Variants in CCDC102B observed in about 807,000 individuals in gnomAD.
The protein encoded by CCDC102B is coiled-coil domain containing 102B.
CCDC102B carries 75 observed loss-of-function variants against 57.4 expected under a neutral mutation model. The observed-to-expected ratio is 1.31, with a 90% CI of 1.08 to 1.58. The LOEUF (loss-of-function observed/expected upper bound fraction) is 1.58. Ranked by LOEUF, CCDC102B falls within the 40% of genes most tolerant of loss-of-function variation. The probability of loss-of-function intolerance (pLI) is 0.00; values close to 1 mark genes in which losing one functional copy is unlikely to be tolerated. For missense variants in CCDC102B, 636 were observed against 582.6 expected (o/e 1.09, Z -0.94); for synonymous variants, 206 against 201.9 (o/e 1.02, Z -0.17).
chr18:68,835,356 T>C (rs916923247), intron 1 of CCDC102B, among the ~76,000 whole-genome samples: 3 of 148,356 alleles, frequency 2.0e-5, no homozygotes, highest in Admixed American at 1.4e-4. Context: ...TGACCATACC[T>C]AAGAATCTAA....
chr18:68,862,039 T>C (rs1443569233), intron 4 of CCDC102B, among the ~76,000 whole-genome samples: 3 of 152,216 alleles, frequency 2.0e-5, no homozygotes, highest in Non-Finnish European at 2.9e-5. Flanking sequence ...TCTAAATGTG[T>C]ATGTTATAGA....
chr18:68,986,552 G>T (rs759478559), intron 6 of CCDC102B, among the ~76,000 whole-genome samples: 1 of 152,078 alleles, frequency 6.6e-6, no homozygotes, highest in Non-Finnish European at 1.5e-5. Context: ...ATGGGCAAAT[G>T]CTGGAACCAT....
chr18:68,908,748 G>A lies in CCDC102B; in HGVS notation c.1263+11320G>A, dbSNP rs1265203791. On this transcript the variant is annotated intron_variant, in intron 6 of 7. Transcript: ENST00000360242. The stretch of plus-strand genomic sequence containing the variant: ...GTCTTCAAACTTAAATAATATTAAT[G>A]GATTTATTAAGAATACTGTAGTAAG... The A allele has an allele frequency of 2.6e-5, 4 of 151,934 alleles. No individual in the cohort carries two copies. The East Asian group carries it at 7.7e-4, about 29-fold the overall frequency. 9.4% of individuals were successfully genotyped at this position (151,934 alleles called of 1,614,324 possible).
intron 6 of CCDC102B, among the ~76,000 whole-genome samples, chr18:68,954,056 AG>A (rs1330923014): frequency 6.6e-6 from 1 of 152,104 alleles, no homozygotes; most frequent in African/African-American, 2.4e-5. Context: ...ACTAGATAAT[AG>A]TTTTTTTTTT....
chr18:68,945,017 G>A (rs180936712), intron 6 of CCDC102B, among the ~76,000 whole-genome samples: 1 of 151,818 alleles, frequency 6.6e-6, no homozygotes, highest in African/African-American at 2.4e-5. Context: ...TTTGCAAATA[G>A]TGTGACATGC....
At chr18:68,782,561 CAG>C (rs1374341275) in intron 2 of CCDC102B, among the ~76,000 whole-genome samples, 1 of 152,078 alleles carries the variant, frequency 6.6e-6, no homozygotes, top group African/African-American at 2.4e-5. Context: ...GCTTTGACAT[CAG>C]AGTTATGATA....
At chr18:68,833,602 G>A (rs1003507166) in intron 1 of CCDC102B, among the ~76,000 whole-genome samples, 1 of 151,980 alleles carries the variant, frequency 6.6e-6, no homozygotes, top group African/African-American at 2.4e-5. Context: ...TGCTATTCTT[G>A]TCTCCTTTTA....
intron 2 of CCDC102B, among the ~76,000 whole-genome samples, chr18:68,755,757 A>T (rs1053284004): frequency 1.3e-5 from 2 of 151,708 alleles, no homozygotes; most frequent in African/African-American, 4.8e-5. Context: ...CAAATTAAAA[A>T]TTTGAACTCA....
At chr18:68,994,435 T>A (rs1467424584) in intron 6 of CCDC102B, among the ~76,000 whole-genome samples, 1 of 152,076 alleles carries the variant, frequency 6.6e-6, no homozygotes, top group Admixed American at 6.6e-5. Flanking sequence ...ATTGAAATTG[T>A]TAGGCTTTGG....
chr18:68,861,071 T>A, intron 4 of CCDC102B, among the ~76,000 whole-genome samples: 1 of 150,890 alleles, frequency 6.6e-6, no homozygotes. Flanking sequence ...ATGTTAACAG[T>A]TGTGGTACAG....
At chr18:68,956,821 A>C (rs2049912990) in intron 6 of CCDC102B, among the ~76,000 whole-genome samples, 1 of 150,802 alleles carries the variant, frequency 6.6e-6, no homozygotes, top group Non-Finnish European at 1.5e-5. Context: ...AAGCCATTTT[A>C]ACTGGAGGTA....
chr18:68,997,342 A>G (rs1281887023), intron 6 of CCDC102B, among the ~76,000 whole-genome samples: 1 of 152,164 alleles, frequency 6.6e-6, no homozygotes, highest in African/African-American at 2.4e-5. Context: ...AGAATTGACA[A>G]GTACATATTG....
At chr18:68,764,886 A>AT (rs1270711751) in intron 2 of CCDC102B, among the ~76,000 whole-genome samples, 1 of 147,134 alleles carries the variant, frequency 6.8e-6, no homozygotes, top group Admixed American at 6.7e-5. Flanking sequence ...AATAATAATG[A>AT]TAAAAAAAAA....
chr18:68,804,533 G>A (rs2035966451), intron 1 of CCDC102B, among the ~76,000 whole-genome samples: 1 of 152,150 alleles, frequency 6.6e-6, no homozygotes, highest in Non-Finnish European at 1.5e-5. Flanking sequence ...AGTCAGAGGT[G>A]TGAAGCTGAG....
At chr18:68,719,562 C>A (rs1036167764) in intron 2 of CCDC102B, among the ~76,000 whole-genome samples, 3 of 152,130 alleles carry the variant, frequency 2.0e-5, no homozygotes, top group African/African-American at 7.2e-5. Flanking sequence ...TCTTTTTGTT[C>A]TCTTCAGGCT....
intron 6 of CCDC102B, among the ~76,000 whole-genome samples, chr18:68,956,303 T>C (rs2049844586): frequency 8.0e-6 from 1 of 125,420 alleles, no homozygotes; most frequent in Non-Finnish European, 1.6e-5. Flanking sequence ...GATATGCTGA[T>C]TTTCTTTATA....
upstream of CCDC102B, among the ~76,000 whole-genome samples, chr18:68,795,926 GAAAGA>G (rs2035614717): frequency 1.3e-5 from 2 of 152,266 alleles, no homozygotes; most frequent in African/African-American, 4.8e-5. Context: ...CCATTGAAAG[GAAAGA>G]AAAGTAATAA....
Position 68,997,276 on chromosome 18 carries a change from A to AT in CCDC102B, c.1264-13651dup, listed in dbSNP as rs561774124. 7.9e-5 allele frequency among the ~76,000 whole-genome samples: 12 copies of AT among 152,140 alleles called. No homozygotes were observed. In the South Asian group the frequency reaches 2.5e-3, roughly 32 times the overall value. Reference sequence around the variant, plus strand: ...CACACATACATTTTATAGTAGATACATTTTTTTCATTCAAATTTTCTATAT... The same window carrying AT: ...CACACATACATTTTATAGTAGATACATTTTTTTTCATTCAAATTTTCTATAT... On this transcript the variant is annotated intron_variant, in intron 6 of 7. Transcript: ENST00000360242.
At chr18:69,040,385 GGT>G (rs908583162) in intron 7 of CCDC102B, among the ~76,000 whole-genome samples, 21 of 57,352 alleles carry the variant, frequency 3.7e-4, no homozygotes, top group African/African-American at 1.1e-3. Flanking sequence ...TAGATGCAGG[GGT>G]GTGTGTGTGT....
Sources: allele counts gnomAD v4.1 joint callset (sites outside exome capture counted in the v4.1 genomes callset), GRCh38; gene constraint gnomAD v4.1.1; transcripts MANE v1.5; gene names NCBI Gene and HGNC (gene_info 2026-07-23, HGNC 2026-07-21).